CIDEA: variants seen among roughly 807,000 people sequenced by gnomAD.
The protein encoded by CIDEA is cell death inducing DFFA like effector a, also known as lipid transferase CIDEA.
Under a neutral mutation model 18.2 loss-of-function variants are expected in CIDEA, and 10 were observed. That is an observed-to-expected ratio of 0.55 (90% CI 0.34 to 0.93). The LOEUF (loss-of-function observed/expected upper bound fraction) is 0.93. CIDEA is among the 40% of genes least tolerant of loss of function. The pLI is 0.02. For synonymous variants in CIDEA, 128 were observed against 124.8 expected (o/e 1.03, Z -0.17); for missense variants, 309 against 293.1 (o/e 1.05, Z -0.40).
chr18:12,255,268 G>A (rs1454720868), intron 1 of CIDEA, among the ~76,000 whole-genome samples: 1 of 152,176 alleles, frequency 6.6e-6, no homozygotes, highest in Non-Finnish European at 1.5e-5. Flanking sequence ...AACCATTTGC[G>A]GGCTTGAAGG....
intron 3 of CIDEA, among the ~76,000 whole-genome samples, chr18:12,266,995 G>A (rs1350563952): frequency 6.6e-6 from 1 of 152,118 alleles, no homozygotes; most frequent in Non-Finnish European, 1.5e-5. Context: ...TCCTGACCTT[G>A]TGATCCACCT....
intron 3 of CIDEA, among the ~76,000 whole-genome samples, chr18:12,268,358 G>A (rs899729967): frequency 4.8e-5 from 7 of 147,358 alleles, no homozygotes; most frequent in Non-Finnish European, 4.5e-5. Flanking sequence ...AGGATTACAG[G>A]CATGAGCCAC....
intron 1 of CIDEA, 85 bp from the exon 2 acceptor site, chr18:12,262,740 T>C: frequency 7.8e-7 from 1 of 1,288,596 alleles, no homozygotes; most frequent in Admixed American, 1.9e-5. Context: ...GATGCAAATA[T>C]TAAAAATGCA....
chr18:12,254,738 G>A, intron 1 of CIDEA: 1 of 1,448,382 alleles, frequency 6.9e-7, no homozygotes, highest in Non-Finnish European at 9.2e-7. Flanking sequence ...GCGAGTGGCT[G>A]CATGCATCTC....
intron 3 of CIDEA, among the ~76,000 whole-genome samples, chr18:12,265,732 T>G (rs1159366380): frequency 6.6e-6 from 1 of 152,186 alleles, no homozygotes; most frequent in Non-Finnish European, 1.5e-5. Context: ...CCGCTTGGGA[T>G]GAACATCCAT....
Position 12,277,125 on chromosome 18 carries a change from G to T in CIDEA, c.515G>T (p.Ser172Ile). 1 of 1,614,062 alleles carries T rather than the reference G, an allele frequency of 6.2e-7. No individual in the cohort carries two copies. Among genetic ancestry groups the T allele is most frequent in the African/African-American group, 1.3e-5 (1 of 75,032 alleles). Residue 172 changes from serine (S) to isoleucine (I), a missense_variant and splice_region_variant, in exon 5 of 5, where the codon AGT (serine) becomes ATT (isoleucine). Ser to Ile is a moderately radical substitution (Grantham distance 142, BLOSUM62 -2). Coordinates refer to ENST00000320477, the MANE Select transcript of CIDEA (RefSeq NM_001279.4). ...RCTGLKGLLR[S>I]LLRFLSYSAQ... ...CTCCCCATCTGCCTCTGCCACAGGA[G>T]TCTGCTGCGGTTCCTGTCCTACTCC...
At chr18:12,257,691 T>C (rs1233017673) in intron 1 of CIDEA, among the ~76,000 whole-genome samples, 1 of 152,236 alleles carries the variant, frequency 6.6e-6, no homozygotes, top group Non-Finnish European at 1.5e-5. Context: ...TTAAACAAAC[T>C]GTTTCCTTAT....
intron 4 of CIDEA, 124 bp downstream of exon 4, chr18:12,274,398 T>G: frequency 2.5e-6 from 2 of 802,314 alleles, no homozygotes; most frequent in African/African-American, 3.4e-5. Context: ...GCAGTTGGAG[T>G]AATGTTGTCT....
chr18:12,271,543 C>G (rs189901456), intron 3 of CIDEA, among the ~76,000 whole-genome samples: 2 of 152,290 alleles, frequency 1.3e-5, no homozygotes, highest in Non-Finnish European at 2.9e-5. Context: ...TCGTTTGTTA[C>G]AGCAGCAGTA....
In CIDEA at chr18:12,254,441, C is replaced by G; in HGVS notation, c.38+20C>G. The G allele has an allele frequency of 6.3e-7, 1 of 1,597,418 alleles. No individual in the cohort carries two copies. The highest frequency in any genetic ancestry group is 8.5e-7 in the Non-Finnish European group (1 of 1,175,378). ...CATCAGGCGAGTGCCCCGCGTCCCCCTGATTGCCGTGCGCTTCCAATCGCC... is the reference window on the plus strand; with the variant it reads ...CATCAGGCGAGTGCCCCGCGTCCCCGTGATTGCCGTGCGCTTCCAATCGCC... On this transcript the variant is annotated intron_variant, in intron 1 of 4. Transcript: ENST00000320477.
At chr18:12,256,456 G>T (rs1179120452) in intron 1 of CIDEA, among the ~76,000 whole-genome samples, 2 of 152,226 alleles carry the variant, frequency 1.3e-5, no homozygotes, top group African/African-American at 4.8e-5. Context: ...ATCGTTAGGG[G>T]CCTTGGTCCT....
chr18:12,274,148 T>C lies in CIDEA; in HGVS notation c.386T>C (p.Val129Ala), dbSNP rs1312873344. ...SPPKRSGIAR[V>A]TFDLYRLNPK... ...CCGAAGAGGTCGGGAATAGCGAGAG[T>C]CACCTTCGACTTGTACAGGCTGAAC... is the stretch of plus-strand genomic sequence containing the variant. The change falls in exon 4 of 5, where the codon GTC becomes GCC. Residue 129 changes from valine (V) to alanine (A), a missense_variant. Physicochemically the swap from Val to Ala is moderately conservative, Grantham distance 64 (BLOSUM62 0). Coordinates refer to ENST00000320477, the MANE Select transcript of CIDEA (RefSeq NM_001279.4). 6.2e-7 allele frequency: 1 copy of C among 1,614,034 alleles called. No individual in the cohort carries two copies. The highest frequency in any genetic ancestry group is 1.7e-5 in the Admixed American group (1 of 60,018).
chr18:12,266,762 ATTT>A (rs11461531), intron 3 of CIDEA, among the ~76,000 whole-genome samples: 4 of 141,876 alleles, frequency 2.8e-5, no homozygotes, highest in African/African-American at 7.7e-5. Context: ...TGCACAAGTC[ATTT>A]TTTTTTTTTT....
At position 12,269,929 on chromosome 18, in the gene CIDEA, C is replaced by T. The variant is rs571612653; in HGVS notation, c.331-4164C>T. Among the ~76,000 whole-genome samples, 4 of 152,184 alleles carry T rather than the reference C, an allele frequency of 2.6e-5. No individual in the cohort carries two copies. The East Asian group carries it at 7.7e-4, about 29-fold the overall frequency. Reference sequence around the variant, plus strand: ...CCCAGGCTAATCTTGAACTCCTGGGCTCAAGTGATCCACCTGCCTCAGCCT... The same window carrying T: ...CCCAGGCTAATCTTGAACTCCTGGGTTCAAGTGATCCACCTGCCTCAGCCT... On this transcript the variant is annotated intron_variant, in intron 3 of 4. Coordinates refer to ENST00000320477, the MANE Select transcript of CIDEA (RefSeq NM_001279.4).
At chr18:12,273,499 CA>C (rs932965571) in intron 3 of CIDEA, among the ~76,000 whole-genome samples, 4 of 152,050 alleles carry the variant, frequency 2.6e-5, no homozygotes, top group Non-Finnish European at 4.4e-5. Context: ...TCCTCCCACC[CA>C]GGGGGGTCTC....
intron 2 of CIDEA, 135 bp from the exon 3 acceptor site, chr18:12,264,172 A>C: frequency 1.3e-6 from 1 of 770,410 alleles, no homozygotes; most frequent in Non-Finnish European, 1.9e-6. Flanking sequence ...GACACAAGTC[A>C]AGGTTACCTT....
At chr18:12,272,147 T>TGGG (rs1259474425) in intron 3 of CIDEA, among the ~76,000 whole-genome samples, 52 of 1,466 alleles carry the variant, frequency 0.035, 2 homozygotes, top group South Asian at 0.088. Flanking sequence ...TGAGTGTGTG[T>TGGG]GTGGGGGGGG....
intron 3 of CIDEA, among the ~76,000 whole-genome samples, chr18:12,266,762 A>AT (rs11461531): frequency 0.3 from 41,895 of 141,790 alleles, 6,508 homozygotes; most frequent in South Asian, 0.36. Context: ...TGCACAAGTC[A>AT]TTTTTTTTTT....
In CIDEA at chr18:12,262,857, G is replaced by A. The variant is rs138278168; in HGVS notation, c.71G>A (p.Arg24Gln). The A allele has an allele frequency of 1.3e-5, 21 of 1,613,994 alleles. No individual in the cohort carries two copies. Among genetic ancestry groups the A allele is most frequent in the East Asian group, 2.2e-5 (1 of 44,894 alleles). ...ACATTTATGGGATCACAGACTAAGC[G>A]AGTCCTGTTCACCCCGCTCATGCAT... Reference protein sequence around the residue: ...PLTFMGSQTKRVLFTPLMHPA... With the variant: ...PLTFMGSQTKQVLFTPLMHPA... The change falls in exon 2 of 5, where the codon CGA becomes CAA. Residue 24 changes from arginine to glutamine, a missense_variant. Transcript: ENST00000320477.
Sources: gnomAD v4.1 joint callset for allele counts (sites outside exome capture counted in the v4.1 genomes callset) on GRCh38, gnomAD v4.1.1 for gene constraint, MANE v1.5 for transcripts, NCBI Gene and HGNC (gene_info 2026-07-23, HGNC 2026-07-21) for gene names.